The following KCNK10 variants were observed in gnomAD, a reference collection of about 807,000 sequenced individuals.
The protein encoded by KCNK10 is potassium channel subfamily K member 10.
In KCNK10, 25 loss-of-function variants were observed where a neutral mutation model predicts 47.7. The ratio of observed to expected loss-of-function variants is 0.52; its 90% CI spans 0.38 to 0.73. KCNK10 has a LOEUF of 0.73. KCNK10 is among the 30% of genes least tolerant of loss of function. The pLI, the probability that KCNK10 is intolerant of heterozygous loss-of-function variation, is 0.00. For synonymous variants in KCNK10, 303 were observed against 285.6 expected (o/e 1.06, Z -0.61); for missense variants, 563 against 714.5 (o/e 0.79, Z 2.42).
intron 4 of KCNK10, among the ~76,000 whole-genome samples, chr14:88,211,491 G>A (rs1197695355): frequency 1.3e-5 from 2 of 151,876 alleles, no homozygotes; most frequent in Non-Finnish European, 2.9e-5. Context: ...CTTAAAAACA[G>A]GATGGTAAAT....
intron 2 of KCNK10, among the ~76,000 whole-genome samples, chr14:88,259,562 T>C (rs1887051692): frequency 2.0e-5 from 3 of 152,170 alleles, no homozygotes; most frequent in Admixed American, 6.5e-5. Flanking sequence ...GCTCAGGTGA[T>C]CCTCCCACCT....
intron 4 of KCNK10, among the ~76,000 whole-genome samples, chr14:88,209,162 G>T (rs1216439065): frequency 6.6e-6 from 1 of 152,194 alleles, no homozygotes; most frequent in Non-Finnish European, 1.5e-5. Flanking sequence ...GAAGGGCCAG[G>T]CTTCTTTTCG....
chr14:88,289,111 C>A (rs753133560), intron 1 of KCNK10, among the ~76,000 whole-genome samples: 1 of 152,314 alleles, frequency 6.6e-6, no homozygotes. Context: ...TACAGTCCAA[C>A]CTTCACCCCA....
chr14:88,196,121 C>T (rs1303886568), intron 4 of KCNK10, among the ~76,000 whole-genome samples: 2 of 152,246 alleles, frequency 1.3e-5, no homozygotes, highest in Non-Finnish European at 2.9e-5. Context: ...GACTAGAGCG[C>T]ATGTTCTTCC....
At chr14:88,188,214 C>T (rs2139822943) in intron 5 of KCNK10, 105 bp from the exon 6 acceptor site, 1 of 1,350,520 alleles carries the variant, frequency 7.4e-7, no homozygotes, top group South Asian at 1.3e-5. Flanking sequence ...CATTGTTTAA[C>T]ACTCAGCTGT....
chr14:88,223,216 T>C (rs1041566661), intron 4 of KCNK10, among the ~76,000 whole-genome samples: 3 of 152,142 alleles, frequency 2.0e-5, no homozygotes, highest in Non-Finnish European at 4.4e-5. Flanking sequence ...TGTCCAACCT[T>C]GGACTGGCAT....
chr14:88,227,415 A>G lies in KCNK10; in HGVS notation c.641T>C (p.Ile214Thr). 6.2e-7 allele frequency: 1 copy of G among 1,613,358 alleles called. No homozygotes were observed. The highest frequency in any genetic ancestry group is 8.5e-7 in the Non-Finnish European group (1 of 1,179,776). The part of the protein sequence containing the change: ...LAGIGDQLGT[I>T]FGKSIARVEK... ...CACTCTTGCAATGCTTTTCCCAAAG[A>G]TGGTTCCAAGTTGGTCTCCAATTCC... The change falls in exon 4 of 7, where the codon ATC (isoleucine) becomes ACC (threonine). Residue 214 changes from isoleucine to threonine, a missense_variant. Ile to Thr is a moderately conservative substitution (Grantham distance 89). Coordinates refer to ENST00000319231, the MANE Select transcript of KCNK10 (RefSeq NM_138317.3).
At chr14:88,288,953 T>G (rs1355841758) in intron 1 of KCNK10, among the ~76,000 whole-genome samples, 2 of 152,206 alleles carry the variant, frequency 1.3e-5, no homozygotes, top group Non-Finnish European at 2.9e-5. Context: ...TTGATTTTCC[T>G]CAAAGCAACT....
At chr14:88,271,213 G>C (rs1395415681) in intron 1 of KCNK10, among the ~76,000 whole-genome samples, 1 of 152,180 alleles carries the variant, frequency 6.6e-6, no homozygotes, top group Non-Finnish European at 1.5e-5. Flanking sequence ...AAGTTTAGCA[G>C]AGAACCTACA....
At chr14:88,274,008 G>A (rs1320952418) in intron 1 of KCNK10, among the ~76,000 whole-genome samples, 1 of 151,998 alleles carries the variant, frequency 6.6e-6, no homozygotes. Context: ...GTCAAAAGCA[G>A]TTATCTCTCC....
At chr14:88,226,880 GGA>G (rs917016303) in intron 4 of KCNK10, among the ~76,000 whole-genome samples, 1 of 152,094 alleles carries the variant, frequency 6.6e-6, no homozygotes, top group Non-Finnish European at 1.5e-5. Context: ...GTGAGAGATG[GGA>G]GAGAGAGAGA....
At chr14:88,267,195 G>A (rs1887282368) in intron 1 of KCNK10, among the ~76,000 whole-genome samples, 3 of 152,120 alleles carry the variant, frequency 2.0e-5, no homozygotes, top group Admixed American at 6.5e-5. Flanking sequence ...TGGTCTACTG[G>A]CTGGAGTATA....
At chr14:88,295,583 C>A (rs1274043538) in intron 1 of KCNK10, among the ~76,000 whole-genome samples, 1 of 152,108 alleles carries the variant, frequency 6.6e-6, no homozygotes, top group Non-Finnish European at 1.5e-5. Context: ...TTGCTTGAAC[C>A]AGGGAGGCAG....
At chr14:88,282,504 C>T (rs1054436902) in intron 1 of KCNK10, among the ~76,000 whole-genome samples, 3 of 152,182 alleles carry the variant, frequency 2.0e-5, no homozygotes, top group African/African-American at 4.8e-5. Context: ...GAGCAGAGAG[C>T]GGATAGCCAT....
upstream of KCNK10, chr14:88,326,671 G>A (rs1888670254): frequency 2.3e-5 from 13 of 572,118 alleles, no homozygotes; most frequent in South Asian, 2.4e-4. Flanking sequence ...GCACTCGGTG[G>A]CAAAGCGCTG....
chr14:88,291,007 G>A (rs1388513147), intron 1 of KCNK10, among the ~76,000 whole-genome samples: 1 of 152,218 alleles, frequency 6.6e-6, no homozygotes, highest in Non-Finnish European at 1.5e-5. Context: ...AGCCTGACAG[G>A]TGGTCCCTCT....
intron 1 of KCNK10, among the ~76,000 whole-genome samples, chr14:88,291,992 A>T (rs1010829383): frequency 6.6e-6 from 1 of 152,208 alleles, no homozygotes; most frequent in African/African-American, 2.4e-5. Context: ...CGGGGGTGTC[A>T]TAAGAGACCA....
At chr14:88,271,870 A>G (rs1887413067) in intron 1 of KCNK10, among the ~76,000 whole-genome samples, 1 of 151,832 alleles carries the variant, frequency 6.6e-6, no homozygotes, top group African/African-American at 2.4e-5. Context: ...TAAGCTCGAC[A>G]GTTTCCCCTG....
intron 4 of KCNK10, among the ~76,000 whole-genome samples, chr14:88,218,606 A>G (rs1184086588): frequency 6.6e-6 from 1 of 151,618 alleles, no homozygotes; most frequent in African/African-American, 2.4e-5. Flanking sequence ...GTTTTACAGG[A>G]AATACCAGAA....
Sources: gnomAD v4.1 joint callset for allele counts (sites outside exome capture counted in the v4.1 genomes callset) on GRCh38, gnomAD v4.1.1 for gene constraint, MANE v1.5 for transcripts, NCBI Gene and HGNC (gene_info 2026-07-23, HGNC 2026-07-21) for gene names.